Variants in MPP7 observed in about 807,000 individuals in gnomAD.
MPP7 encodes MAGUK p55 scaffold protein 7.
Under a neutral mutation model 76.5 loss-of-function variants are expected in MPP7, and 60 were observed. The ratio of observed to expected loss-of-function variants is 0.78; its 90% CI spans 0.64 to 0.97. MPP7 has a LOEUF of 0.97. MPP7 is among the 50% of genes least tolerant of loss of function. MPP7 has a pLI of 0.00. For missense variants in MPP7, 641 were observed against 694.0 expected (o/e 0.92, Z 0.86); for synonymous variants, 237 against 244.5 (o/e 0.97, Z 0.29).
At position 28,052,685 on chromosome 10, in the gene MPP7, T is replaced by C. The variant is rs1851403200; in HGVS notation, c.*1380A>G. 1 of 152,458 alleles carries C rather than the reference T, an allele frequency of 6.6e-6. No homozygotes were observed. Among genetic ancestry groups the C allele is most frequent in the Non-Finnish European group, 1.5e-5 (1 of 68,036 alleles). 9.4% of individuals were successfully genotyped at this position (152,458 alleles called of 1,614,324 possible). A position where few individuals can be genotyped will look rare whatever the true frequency, so the allele number is the denominator to read the frequency against. ...GCCCCGTTTGATATTTAAAAAAATA[T>C]GCCTTTAAAATATTTCATAAATATA... On this transcript the variant is annotated 3_prime_UTR_variant, in exon 17 of 17. Transcript: ENST00000683449.
At chr10:28,180,735 G>T (rs186326801) in intron 3 of MPP7, among the ~76,000 whole-genome samples, 178 of 152,236 alleles carry the variant, frequency 1.2e-3, no homozygotes, top group African/African-American at 3.8e-3. Flanking sequence ...ACAAGCCCAC[G>T]TGCTCAGACC....
intron 3 of MPP7, among the ~76,000 whole-genome samples, chr10:28,182,129 C>T (rs1837078094): frequency 6.6e-6 from 1 of 151,848 alleles, no homozygotes; most frequent in South Asian, 2.1e-4. Context: ...GATCCAGCAT[C>T]AGAATGTACA....
At chr10:28,161,940 G>A (rs893102343) in intron 3 of MPP7, among the ~76,000 whole-genome samples, 3 of 152,066 alleles carry the variant, frequency 2.0e-5, no homozygotes, top group Non-Finnish European at 4.4e-5. Flanking sequence ...ACTTTCAAAC[G>A]GCAGATGGTT....
rs2801844 is a variant in MPP7 at position 28,165,052 on chromosome 10, G to A, written c.157-14993C>T. Among the ~76,000 whole-genome samples the A allele has an allele frequency of 1.4e-4, 22 of 152,030 alleles. 1 individual carries two copies. Among genetic ancestry groups the A allele is most frequent in the South Asian group, 1.0e-3 (5 of 4,824 alleles). The stretch of plus-strand genomic sequence containing the variant: ...CCTGGCCAATATGGTGATTCTCTTC[G>A]CCTCACTAATACCTATGGCTCCAAA... On this transcript the variant is annotated intron_variant, in intron 3 of 16. Transcript: ENST00000683449.
intron 2 of MPP7, among the ~76,000 whole-genome samples, chr10:28,222,235 G>A (rs2134069215): frequency 6.6e-6 from 1 of 151,744 alleles, no homozygotes; most frequent in South Asian, 2.1e-4. Context: ...CAGTGGCTCA[G>A]GCTTGTAAAT....
intron 5 of MPP7, among the ~76,000 whole-genome samples, chr10:28,138,968 G>A (rs1269160255): frequency 6.6e-6 from 1 of 152,212 alleles, no homozygotes; most frequent in Non-Finnish European, 1.5e-5. Context: ...GTATCATGAA[G>A]TGTGGCAGAC....
At chr10:28,215,590 G>A (rs1838284253) in intron 2 of MPP7, among the ~76,000 whole-genome samples, 1 of 152,166 alleles carries the variant, frequency 6.6e-6, no homozygotes, top group Non-Finnish European at 1.5e-5. Context: ...GTGAGGAACA[G>A]AAAGAGAACC....
At chr10:28,276,799 G>A (rs1018810257) in intron 1 of MPP7, among the ~76,000 whole-genome samples, 3 of 152,086 alleles carry the variant, frequency 2.0e-5, no homozygotes, top group Non-Finnish European at 4.4e-5. Context: ...GAAGAACAAT[G>A]GGATCTGGGT....
intron 8 of MPP7, 43 bp from the exon 9 acceptor site, chr10:28,120,711 A>T: frequency 6.8e-7 from 1 of 1,465,652 alleles, no homozygotes; most frequent in Non-Finnish European, 9.5e-7. Flanking sequence ...AACCAGACCC[A>T]AGGAAGAATA....
At chr10:28,201,734 C>T (rs895086948) in intron 3 of MPP7, among the ~76,000 whole-genome samples, 6 of 152,314 alleles carry the variant, frequency 3.9e-5, no homozygotes, top group Non-Finnish European at 8.8e-5. Context: ...TTTCAGTTGA[C>T]TTTGTTAAAG....
At chr10:28,335,108 T>A (rs1177110767), upstream of MPP7, among the ~76,000 whole-genome samples, 1 of 152,202 alleles carries the variant, frequency 6.6e-6, no homozygotes, top group African/African-American at 2.4e-5. Context: ...TGGGAGGAGA[T>A]CTTAGTTCCT....
At chr10:28,061,159 C>CA (rs368960417) in intron 13 of MPP7, among the ~76,000 whole-genome samples, 175 of 143,408 alleles carry the variant, frequency 1.2e-3, no homozygotes, top group Middle Eastern at 3.5e-3. Context: ...GAACCAAAAA[C>CA]AAAAAAAAAC....
At chr10:28,059,867 C>A in intron 13 of MPP7, 124 bp from the exon 14 acceptor site, 2 of 661,378 alleles carry the variant, frequency 3.0e-6, no homozygotes, top group African/African-American at 1.8e-5. Context: ...ATTTAAAAAG[C>A]AAATTAGCTA....
At chr10:28,311,882 C>T (rs767471679) in intron 2 of MPP7, among the ~76,000 whole-genome samples, 4 of 152,076 alleles carry the variant, frequency 2.6e-5, no homozygotes, top group Admixed American at 6.6e-5. Flanking sequence ...TTTTAAAATA[C>T]TCTTTTATCT....
intron 2 of MPP7, among the ~76,000 whole-genome samples, chr10:28,326,068 T>C (rs1834411681): frequency 6.6e-6 from 1 of 151,980 alleles, no homozygotes; most frequent in African/African-American, 2.4e-5. Flanking sequence ...CCCATCCTTC[T>C]CCATCTCCAG....
chr10:28,147,645 T>A, intron 4 of MPP7, 82 bp from the exon 5 acceptor site: 1 of 1,186,532 alleles, frequency 8.4e-7, no homozygotes, highest in African/African-American at 1.5e-5. Context: ...AGAATCTAAC[T>A]TGCTCAAGGC....
chr10:28,074,500 G>A (rs1003174792), intron 12 of MPP7, among the ~76,000 whole-genome samples: 1 of 152,114 alleles, frequency 6.6e-6, no homozygotes, highest in Admixed American at 6.5e-5. Flanking sequence ...GTTTCGCAAT[G>A]TTGGCCAGCT....
intron 2 of MPP7, among the ~76,000 whole-genome samples, chr10:28,316,435 TAAAA>T (rs549621404): frequency 0.012 from 456 of 37,024 alleles, 2 homozygotes; most frequent in South Asian, 0.023. Context: ...ACTCTGTCTT[TAAAA>T]AAAAAAAAAA....
intron 1 of MPP7, among the ~76,000 whole-genome samples, chr10:28,297,257 A>AT (rs556689671): frequency 1.2e-3 from 187 of 152,294 alleles, no homozygotes; most frequent in African/African-American, 4.4e-3. Context: ...ATGCTTTATA[A>AT]TTTTTTTAAA....
Sources: allele counts gnomAD v4.1 joint callset (sites outside exome capture counted in the v4.1 genomes callset), GRCh38; gene constraint gnomAD v4.1.1; transcripts MANE v1.5; gene names NCBI Gene and HGNC (gene_info 2026-07-23, HGNC 2026-07-21).